The following CERS3 variants were observed in gnomAD, a reference collection of about 807,000 sequenced individuals.
CERS3 encodes the protein ceramide synthase 3, also known as LAG1 homolog, ceramide synthase 3.
CERS3 carries 33 observed loss-of-function variants against 50.3 expected under a neutral mutation model. The observed-to-expected ratio is 0.66, with a 90% CI of 0.50 to 0.88. CERS3 has a LOEUF of 0.88. Among genes scored for constraint, CERS3 ranks in the 40% least tolerant of loss-of-function variants. The pLI, the probability that CERS3 is intolerant of heterozygous loss-of-function variation, is 0.00. For missense variants in CERS3, 470 were observed against 460.3 expected (o/e 1.02, Z -0.19); for synonymous variants, 176 against 155.2 (o/e 1.13, Z -0.99).
At chr15:100,455,512 C>G (rs902151956) in intron 11 of CERS3, among the ~76,000 whole-genome samples, 3 of 152,042 alleles carry the variant, frequency 2.0e-5, no homozygotes, top group African/African-American at 4.8e-5. Context: ...GATGGATACC[C>G]CAAATGTCCT....
At chr15:100,482,521 G>A (rs1032873342) in intron 5 of CERS3, among the ~76,000 whole-genome samples, 1 of 152,102 alleles carries the variant, frequency 6.6e-6, no homozygotes. Flanking sequence ...GGATACCTAA[G>A]GACTTGGTGT....
intron 2 of CERS3, among the ~76,000 whole-genome samples, chr15:100,503,162 A>G (rs891989266): frequency 6.6e-6 from 1 of 151,970 alleles, no homozygotes; most frequent in Admixed American, 6.6e-5. Flanking sequence ...TCAGATTCAC[A>G]ACAAGGTTGT....
intron 11 of CERS3, among the ~76,000 whole-genome samples, chr15:100,443,340 A>G (rs866964224): frequency 0.021 from 3,133 of 150,574 alleles, 13 homozygotes; most frequent in African/African-American, 0.072. Context: ...CTGCTACAGC[A>G]TGGCCTTTTA....
chr15:100,413,746 C>T lies in CERS3; in HGVS notation c.1000-10881G>A, dbSNP rs573401913. On this transcript the variant is annotated intron_variant, in intron 11 of 11. Transcript: ENST00000679737. Reference sequence around the variant, plus strand: ...GTTGGCAGCATCTAGTAAATTTAACCTAACCACCAACCCCACAGAAATACA... The same window carrying T: ...GTTGGCAGCATCTAGTAAATTTAACTTAACCACCAACCCCACAGAAATACA... Among the ~76,000 whole-genome samples the T allele has an allele frequency of 1.1e-4, 16 of 146,062 alleles. No homozygotes were observed. In the South Asian group the frequency reaches 3.3e-3, roughly 30 times the overall value.
At chr15:100,519,022 G>A (rs1455087150) in intron 2 of CERS3, among the ~76,000 whole-genome samples, 1 of 152,150 alleles carries the variant, frequency 6.6e-6, no homozygotes, top group African/African-American at 2.4e-5. Context: ...AGCTGGGCGT[G>A]GTGGTGCGCA....
intron 10 of CERS3, among the ~76,000 whole-genome samples, chr15:100,457,309 A>T (rs183494828): frequency 6.6e-6 from 1 of 152,178 alleles, no homozygotes; most frequent in East Asian, 1.9e-4. Flanking sequence ...CTATCTTGCC[A>T]AAAAAATTCT....
chr15:100,477,120 T>C (rs747367209), intron 7 of CERS3, among the ~76,000 whole-genome samples: 1 of 152,182 alleles, frequency 6.6e-6, no homozygotes, highest in Non-Finnish European at 1.5e-5. Flanking sequence ...CTAGCCTAAA[T>C]TGACAATCAA....
At chr15:100,414,939 T>A (rs930281338) in intron 11 of CERS3, among the ~76,000 whole-genome samples, 2 of 151,336 alleles carry the variant, frequency 1.3e-5, no homozygotes, top group Non-Finnish European at 2.9e-5. Context: ...ACAAATGGGA[T>A]CTAATTAAAC....
At chr15:100,473,919 T>C (rs959796545) in intron 8 of CERS3, among the ~76,000 whole-genome samples, 2 of 152,188 alleles carry the variant, frequency 1.3e-5, no homozygotes, top group Non-Finnish European at 2.9e-5. Flanking sequence ...ATAAAATGCA[T>C]CCATCCGTAC....
Position 100,402,754 on chromosome 15 carries a change from C to T in CERS3, c.1111G>A (p.Ala371Thr), listed in dbSNP as rs1290850507. The T allele has an allele frequency of 1.2e-6, 2 of 1,614,176 alleles. No homozygotes were observed. Among genetic ancestry groups the T allele is most frequent in the Middle Eastern group, 1.7e-4 (1 of 6,060 alleles). Residue 371 changes from alanine (A) to threonine (T), a missense_variant, in exon 12 of 12, where the codon GCT (alanine) becomes ACT (threonine). Physicochemically the swap from Ala to Thr is moderately conservative, Grantham distance 58. Transcript: ENST00000679737. ...EMDCLKNGLR[A>T]ERHLIPNGQH... is the part of the protein sequence containing the mutation. ...CCATTGGGAATGAGGTGCCTCTCAG[C>T]CCTGAGGCCGTTCTTTAAACAATCC...
intron 11 of CERS3, among the ~76,000 whole-genome samples, chr15:100,412,455 G>T (rs1034578353): frequency 6.6e-6 from 1 of 152,110 alleles, no homozygotes; most frequent in African/African-American, 2.4e-5. Context: ...GATTACTGAA[G>T]ATTTGTAGTA....
chr15:100,539,772 C>A (rs572737517), intron 1 of CERS3, among the ~76,000 whole-genome samples: 81 of 152,276 alleles, frequency 5.3e-4, no homozygotes, highest in Non-Finnish European at 1.1e-3. Flanking sequence ...TCATTTCAGA[C>A]CCTCTCAAGG....
chr15:100,513,540 CTTTT>C (rs11428048), intron 2 of CERS3, among the ~76,000 whole-genome samples: 53 of 143,928 alleles, frequency 3.7e-4, no homozygotes, highest in African/African-American at 6.6e-4. Context: ...GTTTTCTTTT[CTTTT>C]TTTTTTTTTT....
intron 4 of CERS3, among the ~76,000 whole-genome samples, chr15:100,488,064 T>C (rs1294453434): frequency 6.6e-6 from 1 of 152,228 alleles, no homozygotes; most frequent in Non-Finnish European, 1.5e-5. Flanking sequence ...GAAGTTGTTC[T>C]TGATACGCAC....
chr15:100,423,911 C>T (rs2032635827), intron 11 of CERS3, among the ~76,000 whole-genome samples: 2 of 151,756 alleles, frequency 1.3e-5, no homozygotes. Flanking sequence ...TTTTTTTCTC[C>T]ATAAATTACT....
At chr15:100,462,102 C>T (rs994166608) in intron 10 of CERS3, among the ~76,000 whole-genome samples, 1 of 152,198 alleles carries the variant, frequency 6.6e-6, no homozygotes, top group African/African-American at 2.4e-5. Context: ...CACCACCTTA[C>T]AGCAACTGAA....
intron 11 of CERS3, among the ~76,000 whole-genome samples, chr15:100,412,687 C>T (rs568646969): frequency 7.6e-4 from 115 of 152,176 alleles, no homozygotes; most frequent in African/African-American, 2.7e-3. Flanking sequence ...AATTTCAGAG[C>T]CAGACACAAA....
At chr15:100,480,569 A>C (rs1313797467) in intron 5 of CERS3, among the ~76,000 whole-genome samples, 1 of 152,216 alleles carries the variant, frequency 6.6e-6, no homozygotes, top group African/African-American at 2.4e-5. Flanking sequence ...CCTGTAGACT[A>C]AGAGACTGGA....
intron 11 of CERS3, among the ~76,000 whole-genome samples, chr15:100,410,731 A>G (rs1226304109): frequency 6.6e-6 from 1 of 152,214 alleles, no homozygotes; most frequent in African/African-American, 2.4e-5. Flanking sequence ...GACACAGAAT[A>G]CCATTACCAA....
Sources: gnomAD v4.1 joint callset for allele counts (sites outside exome capture counted in the v4.1 genomes callset) on GRCh38, gnomAD v4.1.1 for gene constraint, MANE v1.5 for transcripts, NCBI Gene and HGNC (gene_info 2026-07-23, HGNC 2026-07-21) for gene names.